The following COL4A2 variants were observed in gnomAD, a reference collection of about 807,000 sequenced individuals.
COL4A2 encodes collagen type IV alpha 2 chain, also known as collagen alpha-2(IV) chain.
COL4A2 carries 99 observed loss-of-function variants against 200.2 expected under a neutral mutation model. The observed-to-expected ratio is 0.49, with a 90% CI of 0.42 to 0.58. The LOEUF (loss-of-function observed/expected upper bound fraction) is 0.58, where lower values mean the gene tolerates loss of function less well. Ranked by LOEUF, COL4A2 falls within the 20% of genes least tolerant of loss-of-function variation. COL4A2 has a pLI of 0.00. For missense variants in COL4A2, 1,950 were observed against 2,314.1 expected, an observed-to-expected ratio of 0.84 and a Z score of 3.23; for synonymous variants, 897 against 900.6, an observed-to-expected ratio of 1.00 and a Z score of 0.07.
At position 110,445,840 on chromosome 13, in the gene COL4A2, C is replaced by T. The variant is rs774244194; in HGVS notation, c.969C>T (p.Gly323=). ...KGSPGQKGSR[G]LDGYQGPDGP... ...TATCTTTCTTGCAGGGAAGCCGAGG[C>T]CTGGATGGCTATCAAGGGCCTGATG... The change falls in exon 17 of 48, where the codon GGC becomes GGT. Residue 323 remains glycine, a synonymous_variant. Coordinates refer to ENST00000360467, the MANE Select transcript of COL4A2 (RefSeq NM_001846.4). 6 of 1,614,054 alleles carry T rather than the reference C, an allele frequency of 3.7e-6. No homozygotes were observed. Among genetic ancestry groups the T allele is most frequent in the Non-Finnish European group, 8.5e-7 (1 of 1,180,038 alleles).
At chr13:110,381,338 G>A (rs1427720145) in intron 4 of COL4A2, among the ~76,000 whole-genome samples, 9 of 152,162 alleles carry the variant, frequency 5.9e-5, no homozygotes, top group South Asian at 2.1e-4. Flanking sequence ...GGGCTCTCAC[G>A]CCCAGCACTC....
chr13:110,320,200 C>G (rs907400987), intron 3 of COL4A2, among the ~76,000 whole-genome samples: 1 of 152,242 alleles, frequency 6.6e-6, no homozygotes, highest in Non-Finnish European at 1.5e-5. Context: ...CAGTCCTAAC[C>G]CATTACATAA....
intron 4 of COL4A2, among the ~76,000 whole-genome samples, chr13:110,409,200 T>C (rs1014009143): frequency 6.6e-6 from 1 of 152,042 alleles, no homozygotes; most frequent in Non-Finnish European, 1.5e-5. Flanking sequence ...CATATACACA[T>C]GCACACATAT....
At chr13:110,382,488 T>G (rs973124398) in intron 4 of COL4A2, among the ~76,000 whole-genome samples, 1 of 152,258 alleles carries the variant, frequency 6.6e-6, no homozygotes, top group Non-Finnish European at 1.5e-5. Flanking sequence ...TGAATCATCT[T>G]CTTCCTTAGA....
intron 4 of COL4A2, among the ~76,000 whole-genome samples, chr13:110,408,239 A>G (rs886650049): frequency 1.3e-5 from 2 of 152,200 alleles, no homozygotes; most frequent in African/African-American, 4.8e-5. Flanking sequence ...AAGGGTCCCC[A>G]GGGCGGGGAG....
chr13:110,461,971 C>T (rs898219076), intron 22 of COL4A2, 143 bp from the exon 23 acceptor site: 2 of 1,244,076 alleles, frequency 1.6e-6, no homozygotes, highest in African/African-American at 3.0e-5. Context: ...TCCAGCATCG[C>T]AGAAAGTGCT....
chr13:110,328,385 T>C (rs909206278), intron 3 of COL4A2: 1 of 152,242 alleles, frequency 6.6e-6, no homozygotes, highest in Non-Finnish European at 1.5e-5. Context: ...TTTTCCACTC[T>C]GGCTTGGCAT....
intron 41 of COL4A2, chr13:110,502,859 T>G: frequency 2.5e-6 from 1 of 406,306 alleles, no homozygotes; most frequent in Non-Finnish European, 4.4e-6. Context: ...AGATTTCAGT[T>G]TAGGATGAGA....
intron 36 of COL4A2, among the ~76,000 whole-genome samples, chr13:110,490,469 A>G (rs1455236716): frequency 6.6e-6 from 1 of 152,078 alleles, no homozygotes; most frequent in Non-Finnish European, 1.5e-5. Flanking sequence ...CAGTGGGGAG[A>G]CTGCTGGGCC....
intron 3 of COL4A2, among the ~76,000 whole-genome samples, chr13:110,325,424 A>G (rs1030772274): frequency 5.3e-5 from 8 of 152,236 alleles, no homozygotes; most frequent in African/African-American, 1.9e-4. Context: ...TAGTTAAAAC[A>G]TCTCTCAGAC....
In COL4A2 at chr13:110,424,846, T is replaced by G; in HGVS notation, c.293T>G (p.Val98Gly). 1 of 1,613,846 alleles carries G rather than the reference T, an allele frequency of 6.2e-7. No homozygotes were observed. The highest frequency in any genetic ancestry group is 8.5e-7 in the Non-Finnish European group (1 of 1,179,928). Residue 98 changes from valine to glycine, a missense_variant, in exon 5 of 48, where the codon GTA becomes GGA. By Grantham distance (109) the Val-to-Gly change is moderately radical. This residue lies in a region of COL4A2 where 565 missense variants were observed against 593.5 expected (regional missense o/e 0.95). Transcript: ENST00000360467. Reference protein sequence around the residue: ...GDKGERGAPGVTGPKGDVGAR... With the variant: ...GDKGERGAPGGTGPKGDVGAR... ...AAGGGTGAAAGGGGAGCCCCCGGAGTAACGGGACCCAAGGGCGACGTGGTA... is the reference window on the plus strand; with the variant it reads ...AAGGGTGAAAGGGGAGCCCCCGGAGGAACGGGACCCAAGGGCGACGTGGTA...
At chr13:110,349,310 C>A (rs1480197422) in intron 3 of COL4A2, among the ~76,000 whole-genome samples, 2 of 152,212 alleles carry the variant, frequency 1.3e-5, no homozygotes, top group Admixed American at 6.5e-5. Context: ...ATTCCTCAGA[C>A]ATCTACCAAG....
At chr13:110,310,384 T>C (rs993495462) in intron 3 of COL4A2, among the ~76,000 whole-genome samples, 1 of 152,248 alleles carries the variant, frequency 6.6e-6, no homozygotes, top group Non-Finnish European at 1.5e-5. Context: ...TGGGAACCAC[T>C]GAGCTACAGT....
chr13:110,432,113 T>G (rs1393643055), intron 10 of COL4A2, among the ~76,000 whole-genome samples: 4 of 152,192 alleles, frequency 2.6e-5, no homozygotes, highest in African/African-American at 9.7e-5. Flanking sequence ...CAGCTGTCCG[T>G]AGACAGCCGG....
At chr13:110,434,555 G>T in intron 12 of COL4A2, 113 bp downstream of exon 12, 1 of 1,058,378 alleles carries the variant, frequency 9.4e-7, no homozygotes. Context: ...GAGTTGATCT[G>T]CAGACAGACC....
intron 3 of COL4A2, among the ~76,000 whole-genome samples, chr13:110,313,124 C>T (rs530927990): frequency 6.6e-5 from 10 of 152,172 alleles, no homozygotes; most frequent in East Asian, 1.9e-4. Flanking sequence ...TTCACGGTGT[C>T]GAGAAGCTTC....
At chr13:110,340,654 G>A (rs1384828701) in intron 3 of COL4A2, among the ~76,000 whole-genome samples, 1 of 152,206 alleles carries the variant, frequency 6.6e-6, no homozygotes, top group Non-Finnish European at 1.5e-5. Flanking sequence ...AGCTGCGGAA[G>A]AAAGGAGAGC....
chr13:110,369,334 C>G (rs1313544889), intron 4 of COL4A2, among the ~76,000 whole-genome samples: 1 of 152,168 alleles, frequency 6.6e-6, no homozygotes, highest in Middle Eastern at 3.2e-3. Context: ...TGAGCACCGA[C>G]CTGGCACTCA....
intron 4 of COL4A2, among the ~76,000 whole-genome samples, chr13:110,388,492 T>C (rs1017762523): frequency 2.0e-5 from 3 of 152,250 alleles, no homozygotes; most frequent in African/African-American, 7.2e-5. Context: ...TCCAAACTGC[T>C]GCCCCATTTT....
Sources: allele counts gnomAD v4.1 joint callset (sites outside exome capture counted in the v4.1 genomes callset), GRCh38; gene constraint gnomAD v4.1.1; regional missense constraint gnomAD v4.1.1; transcripts MANE v1.5; gene names NCBI Gene and HGNC (gene_info 2026-07-23, HGNC 2026-07-21).